RAB38: variants seen among roughly 807,000 people sequenced by gnomAD.
RAB38 encodes RAB38, member RAS oncogene family.
Under a neutral mutation model 18.4 loss-of-function variants are expected in RAB38, and 15 were observed. The observed-to-expected ratio is 0.82, with a 90% confidence interval of 0.55 to 1.26. The LOEUF (loss-of-function observed/expected upper bound fraction) is 1.26, where lower values mean the gene tolerates loss of function less well. RAB38 is among the 50% of genes most tolerant of loss of function. The pLI is 0.00. For missense variants in RAB38, 294 were observed against 267.4 expected (o/e 1.10, Z -0.69); for synonymous variants, 101 against 104.4 (o/e 0.97, Z 0.20).
chr11:88,069,137 C>T, the RAB38 span, among the ~76,000 whole-genome samples: 1 of 152,192 alleles, frequency 6.6e-6, no homozygotes, highest in African/African-American at 2.4e-5. Context: ...TGGGCCCACA[C>T]TTGGAATGGC....
the RAB38 span, among the ~76,000 whole-genome samples, chr11:87,957,990 C>T: frequency 6.6e-6 from 1 of 152,150 alleles, no homozygotes; most frequent in East Asian, 1.9e-4. Context: ...TGGTCCCAGA[C>T]TTACAATGAT....
At chr11:87,835,729 C>T in the RAB38 span, among the ~76,000 whole-genome samples, 1 of 152,170 alleles carries the variant, frequency 6.6e-6, no homozygotes, top group Non-Finnish European at 1.5e-5. Context: ...TGGTCCTTCC[C>T]TCACAGCCTC....
chr11:87,903,753 T>G, the RAB38 span, among the ~76,000 whole-genome samples: 1 of 151,602 alleles, frequency 6.6e-6, no homozygotes, highest in African/African-American at 2.4e-5. Context: ...TAAAAGCTCT[T>G]TAATTTTTCT....
At chr11:87,961,180 G>A in the RAB38 span, among the ~76,000 whole-genome samples, 2 of 152,066 alleles carry the variant, frequency 1.3e-5, no homozygotes, top group African/African-American at 4.8e-5. Flanking sequence ...TAGAGTGCTG[G>A]GCTGAAGCAG....
chr11:87,814,717 T>C, the RAB38 span, among the ~76,000 whole-genome samples: 3 of 152,036 alleles, frequency 2.0e-5, no homozygotes, highest in South Asian at 6.2e-4. Context: ...TTCATTTAAG[T>C]AGCTTATTTT....
the RAB38 span, among the ~76,000 whole-genome samples, chr11:87,961,486 A>G: frequency 3.9e-5 from 6 of 152,100 alleles, no homozygotes; most frequent in Non-Finnish European, 8.8e-5. Context: ...TGTTGGAACA[A>G]CCCAGTGTGC....
At chr11:88,162,063 T>G (rs1301727776) in intron 1 of RAB38, among the ~76,000 whole-genome samples, 1 of 152,088 alleles carries the variant, frequency 6.6e-6, no homozygotes, top group Non-Finnish European at 1.5e-5. Flanking sequence ...GACACTGACA[T>G]CATAATGGCT....
At chr11:87,964,553 C>A in the RAB38 span, among the ~76,000 whole-genome samples, 1 of 151,864 alleles carries the variant, frequency 6.6e-6, no homozygotes, top group Non-Finnish European at 1.5e-5. Context: ...AAGTGCAAAA[C>A]GACATTGTAA....
At chr11:88,054,048 G>A in the RAB38 span, among the ~76,000 whole-genome samples, 1 of 152,084 alleles carries the variant, frequency 6.6e-6, no homozygotes, top group Non-Finnish European at 1.5e-5. Context: ...TCATGTTCAC[G>A]AACTGCGAAG....
At chr11:88,100,219 A>G in the RAB38 span, 1 of 151,958 alleles carries the variant, frequency 6.6e-6, no homozygotes, top group Admixed American at 6.6e-5. Flanking sequence ...TTGAAAAGTC[A>G]CCCCCGCCTG....
chr11:87,867,429 T>G, the RAB38 span, among the ~76,000 whole-genome samples: 1 of 151,842 alleles, frequency 6.6e-6, no homozygotes, highest in African/African-American at 2.4e-5. Context: ...TAGGCAAAAC[T>G]TAATCTAAAA....
At chr11:88,023,996 T>A in the RAB38 span, among the ~76,000 whole-genome samples, 2 of 152,106 alleles carry the variant, frequency 1.3e-5, no homozygotes, top group African/African-American at 4.8e-5. Flanking sequence ...CAAAAATTTC[T>A]TGAGCAATAC....
chr11:88,106,955 T>C, the RAB38 span, among the ~76,000 whole-genome samples: 4 of 152,004 alleles, frequency 2.6e-5, no homozygotes, highest in East Asian at 7.7e-4. Context: ...TCAGAAGTGA[T>C]GAAGTACTAG....
At chr11:88,038,493 C>T in the RAB38 span, among the ~76,000 whole-genome samples, 1 of 152,110 alleles carries the variant, frequency 6.6e-6, no homozygotes, top group Non-Finnish European at 1.5e-5. Context: ...AGATGCATGT[C>T]TTCACTTCCA....
the RAB38 span, among the ~76,000 whole-genome samples, chr11:88,069,518 G>A: frequency 4.6e-5 from 7 of 152,256 alleles, no homozygotes; most frequent in Non-Finnish European, 8.8e-5. Context: ...CCTGAGTGGG[G>A]TGGGGATTTG....
At chr11:87,911,706 A>C in the RAB38 span, among the ~76,000 whole-genome samples, 1 of 151,968 alleles carries the variant, frequency 6.6e-6, no homozygotes, top group Admixed American at 6.6e-5. Flanking sequence ...GATGTCATTT[A>C]TTTCTTTTTC....
chr11:87,955,410 C>T, the RAB38 span, among the ~76,000 whole-genome samples: 2 of 152,130 alleles, frequency 1.3e-5, no homozygotes, highest in Non-Finnish European at 2.9e-5. Flanking sequence ...GTACCATGCT[C>T]ACTACTAGGG....
downstream of RAB38, among the ~76,000 whole-genome samples, chr11:88,109,223 T>C (rs73526757): frequency 0.074 from 11,197 of 152,050 alleles, 706 homozygotes; most frequent in African/African-American, 0.17. Context: ...ACATTACACA[T>C]CTAAAACCTG....
chr11:87,850,743 CACAT>C, the RAB38 span, among the ~76,000 whole-genome samples: 1 of 150,098 alleles, frequency 6.7e-6, no homozygotes, highest in African/African-American at 2.5e-5. Flanking sequence ...CACACACACA[CACAT>C]ACACACACAC....
Sources: allele counts gnomAD v4.1 joint callset (sites outside exome capture counted in the v4.1 genomes callset), GRCh38; gene constraint gnomAD v4.1.1; transcripts MANE v1.5; gene names NCBI Gene and HGNC (gene_info 2026-07-23, HGNC 2026-07-21).